STOX2: variants seen among roughly 807,000 people sequenced by gnomAD.
STOX2 encodes storkhead box 2, also known as storkhead-box protein 2.
Under a neutral mutation model 60.9 loss-of-function variants are expected in STOX2, and 28 were observed. The observed-to-expected ratio is 0.46, with a 90% confidence interval of 0.34 to 0.63. STOX2 has a LOEUF of 0.63. Among genes scored for constraint, STOX2 ranks in the 30% least tolerant of loss-of-function variants. The pLI, the probability that STOX2 is intolerant of heterozygous loss-of-function variation, is 0.01. For synonymous variants in STOX2, 472 were observed against 463.9 expected (o/e 1.02, Z -0.22); for missense variants, 1,024 against 1,187.7 (o/e 0.86, Z 2.03).
chr4:183,990,267 C>G (rs1419668981), intron 1 of STOX2, among the ~76,000 whole-genome samples: 4 of 152,204 alleles, frequency 2.6e-5, no homozygotes, highest in Admixed American at 2.6e-4. Context: ...GGAAAGTTCT[C>G]CCTAATCACC....
In STOX2 at chr4:184,011,520, C is replaced by T. The variant is rs1734173745; in HGVS notation, c.2585+97C>T. On this transcript the variant is annotated intron_variant, in intron 3 of 3. Transcript: ENST00000308497. The surrounding 1 kb of genome is among the most constrained non-coding windows in gnomAD (Gnocchi z 4.4). The stretch of plus-strand genomic sequence containing the variant: ...AGTTTCTGATTTCGTAGTCTCAGTT[C>T]TATGGATGAGGGTTAAGAGTTGTAT... The T allele has an allele frequency of 5.7e-6, 9 of 1,577,630 alleles. No individual in the cohort carries two copies. The Admixed American group carries it at 9.1e-5, about 16-fold the overall frequency.
intron 1 of STOX2, among the ~76,000 whole-genome samples, chr4:183,896,320 C>T (rs943181859): frequency 6.6e-6 from 1 of 152,160 alleles, no homozygotes; most frequent in Non-Finnish European, 1.5e-5. Flanking sequence ...AGGCCATTCT[C>T]CGTGGCTCCG....
chr4:183,852,152 A>T, intron 1 of STOX2, among the ~76,000 whole-genome samples: 1 of 6,164 alleles, frequency 1.6e-4, no homozygotes, highest in Non-Finnish European at 3.5e-4. Context: ...AAAGGATGAG[A>T]GAAAGGATGA....
intron 1 of STOX2, among the ~76,000 whole-genome samples, chr4:183,948,757 C>G (rs964883510): frequency 6.6e-6 from 1 of 151,968 alleles, no homozygotes; most frequent in African/African-American, 2.4e-5. Flanking sequence ...GTCTCAAACT[C>G]GTGACCTCAG....
chr4:183,893,939 C>T (rs373690221), intron 1 of STOX2, among the ~76,000 whole-genome samples: 10 of 152,242 alleles, frequency 6.6e-5, no homozygotes, highest in Admixed American at 3.3e-4. Flanking sequence ...ATCCCTTGAG[C>T]CCAGGAATTT....
chr4:183,860,978 A>G (rs1023396640), intron 1 of STOX2, among the ~76,000 whole-genome samples: 1 of 152,212 alleles, frequency 6.6e-6, no homozygotes, highest in African/African-American at 2.4e-5. Context: ...TTTGGCAGCC[A>G]TGCTAATCGC....
chr4:183,842,618 T>A (rs10029809), intron 1 of STOX2, among the ~76,000 whole-genome samples: 1 of 152,090 alleles, frequency 6.6e-6, no homozygotes, highest in African/African-American at 2.4e-5. Context: ...TGGAGGAAAG[T>A]GCTCTGTGAG....
intron 1 of STOX2, among the ~76,000 whole-genome samples, chr4:183,895,093 C>T (rs746670777): frequency 6.6e-6 from 1 of 152,110 alleles, no homozygotes; most frequent in Non-Finnish European, 1.5e-5. Context: ...AGTACAATCG[C>T]GGACTAGGAT....
At chr4:183,838,049 A>T (rs1248631033) in intron 1 of STOX2, among the ~76,000 whole-genome samples, 2 of 152,110 alleles carry the variant, frequency 1.3e-5, no homozygotes, top group African/African-American at 4.8e-5. Context: ...AAAACAGAAA[A>T]TCACCGCTTT....
At chr4:183,953,025 C>T (rs1042684537) in intron 1 of STOX2, among the ~76,000 whole-genome samples, 1 of 152,102 alleles carries the variant, frequency 6.6e-6, no homozygotes, top group Admixed American at 6.5e-5. Flanking sequence ...GCATCACACA[C>T]TGGGGCCTGT....
chr4:183,996,488 T>C (rs1335496138), intron 1 of STOX2, among the ~76,000 whole-genome samples: 1 of 152,256 alleles, frequency 6.6e-6, no homozygotes, highest in Non-Finnish European at 1.5e-5. Context: ...ATTTTAGCAG[T>C]ACCTACATTC....
At chr4:183,968,615 C>A (rs1264469780) in intron 1 of STOX2, among the ~76,000 whole-genome samples, 1 of 152,232 alleles carries the variant, frequency 6.6e-6, no homozygotes, top group Non-Finnish European at 1.5e-5. Flanking sequence ...GAAATCCTGC[C>A]ACCTTCGCTG....
Position 184,011,736 on chromosome 4 carries a change from GAGA to G in STOX2, c.2585+316_2585+318del. 1 of 863,646 alleles carries G rather than the reference GAGA, an allele frequency of 1.2e-6. No individual in the cohort carries two copies. The highest frequency in any genetic ancestry group is 4.9e-5 in the East Asian group (1 of 20,476). The allele number at this position is 863,646 out of a possible 1,614,324, so 53.5% of individuals were successfully genotyped here. ...ACGTTCATATTGCCACCCATGCTAA[GAGA>G]AGGATGTTTTTTAAGTCCTTCAAAA... is the stretch of plus-strand genomic sequence containing the variant. On this transcript the variant is annotated intron_variant, in intron 3 of 3. Transcript: ENST00000308497. This position sits in a 1 kb window ranked among gnomAD's most constrained non-coding sequence, Gnocchi z 4.4.
At chr4:183,988,592 G>A (rs966111453) in intron 1 of STOX2, 1 of 152,640 alleles carries the variant, frequency 6.6e-6, no homozygotes, top group South Asian at 2.1e-4. Context: ...ATCTACGAAG[G>A]TAAAGTACCA....
At chr4:184,006,970 C>T (rs1268825381) in intron 2 of STOX2, among the ~76,000 whole-genome samples, 1 of 133,748 alleles carries the variant, frequency 7.5e-6, no homozygotes, top group Admixed American at 8.4e-5. Context: ...GAGCCGAGAT[C>T]CCGCCACTGC....
At chr4:183,964,898 T>G (rs1279429114) in intron 1 of STOX2, among the ~76,000 whole-genome samples, 4 of 152,246 alleles carry the variant, frequency 2.6e-5, no homozygotes, top group Non-Finnish European at 5.9e-5. Flanking sequence ...TGGTGAGTTT[T>G]TACATTGAAA....
chr4:183,861,924 A>G (rs898705048), intron 1 of STOX2, among the ~76,000 whole-genome samples: 4 of 152,182 alleles, frequency 2.6e-5, no homozygotes, highest in African/African-American at 7.2e-5. Flanking sequence ...GGTAACTAGA[A>G]CATTACAGGA....
intron 1 of STOX2, among the ~76,000 whole-genome samples, chr4:183,861,869 G>A (rs189287407): frequency 9.2e-5 from 14 of 152,270 alleles, no homozygotes; most frequent in African/African-American, 3.4e-4. Context: ...TTACAGCTCA[G>A]TGGATGATTC....
At chr4:183,982,950 T>C (rs1171080772) in intron 1 of STOX2, among the ~76,000 whole-genome samples, 1 of 152,196 alleles carries the variant, frequency 6.6e-6, no homozygotes, top group African/African-American at 2.4e-5. Context: ...ACATCTCCCC[T>C]GTAGAAACCT....
Sources: allele counts gnomAD v4.1 joint callset (sites outside exome capture counted in the v4.1 genomes callset), GRCh38; gene constraint gnomAD v4.1.1; non-coding constraint Gnocchi (gnomAD v3.1); transcripts MANE v1.5; gene names NCBI Gene and HGNC (gene_info 2026-07-23, HGNC 2026-07-21).